The following MDGA2 variants were observed in gnomAD, a reference collection of about 807,000 sequenced individuals.
MDGA2 encodes MAM domain containing glycosylphosphatidylinositol anchor 2, also known as MAM domain-containing glycosylphosphatidylinositol anchor protein 2.
MDGA2 carries 40 observed loss-of-function variants against 117.8 expected under a neutral mutation model. That is an observed-to-expected ratio of 0.34 (90% CI 0.26 to 0.44). The LOEUF is 0.44. MDGA2 is among the 20% of genes least tolerant of loss of function. The pLI, the probability that MDGA2 is intolerant of heterozygous loss-of-function variation, is 1.00. For missense variants in MDGA2, 1,123 were observed against 1,250.6 expected, an observed-to-expected ratio of 0.90 and a Z score of 1.54; for synonymous variants, 452 against 439.0, an observed-to-expected ratio of 1.03 and a Z score of -0.37.
chr14:47,565,958 T>C (rs900653879), intron 1 of MDGA2, among the ~76,000 whole-genome samples: 64 of 152,360 alleles, frequency 4.2e-4, no homozygotes, highest in African/African-American at 1.5e-3. Flanking sequence ...TGCTGGTGTC[T>C]GTGCATGTGT....
intron 10 of MDGA2, among the ~76,000 whole-genome samples, chr14:46,886,899 A>G (rs1209427890): frequency 2.0e-5 from 3 of 152,022 alleles, no homozygotes; most frequent in Admixed American, 2.0e-4. Context: ...AGTGGTTCTC[A>G]TATTTCTGCA....
At chr14:46,854,537 C>CA (rs996341606) in intron 15 of MDGA2, among the ~76,000 whole-genome samples, 16 of 151,540 alleles carry the variant, frequency 1.1e-4, no homozygotes, top group African/African-American at 3.9e-4. Flanking sequence ...TATATAGAAA[C>CA]AAAGAAAAAT....
In MDGA2 at chr14:46,845,919, G is replaced by A. The variant is rs778185759; in HGVS notation, c.2884-48C>T. ...CCTAAATGTGGAGCTTTGATTTGCA[G>A]ATCAGTTTCTCTTGAGAAATCAAGG... is the stretch of plus-strand genomic sequence containing the variant. On this transcript the variant is annotated intron_variant, in intron 15 of 16. Transcript: ENST00000399232. 1.8e-5 allele frequency: 26 copies of A among 1,411,442 alleles called. No individual in the cohort carries two copies. In the South Asian group the frequency reaches 2.1e-4, roughly 11 times the overall value. The allele number at this position is 1,411,442 out of a possible 1,614,324, so 87.4% of individuals were successfully genotyped here.
At chr14:47,338,859 A>G (rs566868850) in intron 1 of MDGA2, among the ~76,000 whole-genome samples, 61 of 152,198 alleles carry the variant, frequency 4.0e-4, no homozygotes, top group African/African-American at 1.4e-3. Flanking sequence ...CACTCCTGAA[A>G]CTTGATGTTA....
At chr14:47,100,349 T>C (rs1218930860) in intron 5 of MDGA2, among the ~76,000 whole-genome samples, 1 of 152,066 alleles carries the variant, frequency 6.6e-6, no homozygotes, top group Non-Finnish European at 1.5e-5. Context: ...CTTCTGCACT[T>C]ATATGGGTAT....
At chr14:47,394,807 T>C (rs1891971636) in intron 1 of MDGA2, among the ~76,000 whole-genome samples, 1 of 152,164 alleles carries the variant, frequency 6.6e-6, no homozygotes, top group Non-Finnish European at 1.5e-5. Flanking sequence ...ATTAGAAAGT[T>C]TTAAAATGAA....
intron 2 of MDGA2, among the ~76,000 whole-genome samples, chr14:47,231,888 T>C (rs1265913043): frequency 6.6e-6 from 1 of 152,076 alleles, no homozygotes; most frequent in Non-Finnish European, 1.5e-5. Flanking sequence ...TACTGGCAGC[T>C]TCCAGACATA....
chr14:46,912,320 AC>A (rs1883737057), intron 10 of MDGA2, among the ~76,000 whole-genome samples: 1 of 152,094 alleles, frequency 6.6e-6, no homozygotes, highest in African/African-American at 2.4e-5. Flanking sequence ...AGATTTTTCT[AC>A]CCTGCAGTTC....
intron 11 of MDGA2, 49 bp from the exon 12 acceptor site, chr14:46,877,558 T>C: frequency 7.6e-7 from 1 of 1,318,602 alleles, no homozygotes; most frequent in Non-Finnish European, 1.1e-6. Flanking sequence ...AATGTTAGCA[T>C]GGCTTGAATG....
intron 2 of MDGA2, among the ~76,000 whole-genome samples, chr14:47,283,296 A>C (rs1048870260): frequency 2.6e-5 from 4 of 152,216 alleles, no homozygotes; most frequent in Admixed American, 6.5e-5. Flanking sequence ...CTTCAAGAAA[A>C]GTAAATTAAA....
At chr14:46,920,191 T>C (rs768071465) in intron 9 of MDGA2, 31 bp from the exon 10 acceptor site, 1 of 1,599,544 alleles carries the variant, frequency 6.3e-7, no homozygotes, top group South Asian at 1.1e-5. Context: ...TAAATTTGAA[T>C]GATGACATAT....
At chr14:47,135,250 G>A (rs1051704935) in intron 4 of MDGA2, among the ~76,000 whole-genome samples, 1 of 151,882 alleles carries the variant, frequency 6.6e-6, no homozygotes, top group African/African-American at 2.4e-5. Flanking sequence ...TTTCTTGGTT[G>A]TTTTACCATT....
chr14:47,424,722 A>G (rs1397805175), intron 1 of MDGA2, among the ~76,000 whole-genome samples: 1 of 152,212 alleles, frequency 6.6e-6, no homozygotes, highest in East Asian at 1.9e-4. Flanking sequence ...ATACATATCT[A>G]TGTGACATAG....
chr14:47,030,122 C>A (rs955084648), intron 8 of MDGA2, among the ~76,000 whole-genome samples: 1 of 152,010 alleles, frequency 6.6e-6, no homozygotes, highest in African/African-American at 2.4e-5. Context: ...CACCCCCCGC[C>A]CACATATCCT....
chr14:46,954,298 T>C (rs549353094), intron 9 of MDGA2, among the ~76,000 whole-genome samples: 19 of 152,122 alleles, frequency 1.2e-4, no homozygotes, highest in African/African-American at 4.6e-4. Context: ...TTGACAAAAC[T>C]GTTCTATTCA....
intron 16 of MDGA2, among the ~76,000 whole-genome samples, chr14:46,844,703 A>T (rs962112043): frequency 6.6e-6 from 1 of 152,136 alleles, no homozygotes; most frequent in African/African-American, 2.4e-5. Flanking sequence ...CTTGAAATAT[A>T]ATCTGCATAA....
At chr14:47,306,762 A>G (rs1889458589) in intron 1 of MDGA2, among the ~76,000 whole-genome samples, 1 of 152,022 alleles carries the variant, frequency 6.6e-6, no homozygotes, top group Non-Finnish European at 1.5e-5. Flanking sequence ...TCAGCAAACC[A>G]TGCTGTGCCA....
At chr14:47,278,145 A>G (rs753292083) in intron 2 of MDGA2, among the ~76,000 whole-genome samples, 9 of 152,298 alleles carry the variant, frequency 5.9e-5, no homozygotes, top group Non-Finnish European at 8.8e-5. Context: ...AGATAAATAA[A>G]TAAATTAATT....
At chr14:47,427,630 G>A (rs151021646) in intron 1 of MDGA2, among the ~76,000 whole-genome samples, 217 of 152,242 alleles carry the variant, frequency 1.4e-3, no homozygotes, top group Middle Eastern at 6.8e-3. Flanking sequence ...ATTGTCACCA[G>A]GTTGTGTGGT....
Sources: allele counts gnomAD v4.1 joint callset (sites outside exome capture counted in the v4.1 genomes callset), GRCh38; gene constraint gnomAD v4.1.1; transcripts MANE v1.5; gene names NCBI Gene and HGNC (gene_info 2026-07-23, HGNC 2026-07-21).